The following AGBL4 variants were observed in gnomAD, a reference collection of about 807,000 sequenced individuals.
The protein encoded by AGBL4 is cytosolic carboxypeptidase 6.
Under a neutral mutation model 66.4 loss-of-function variants are expected in AGBL4, and 58 were observed. The observed-to-expected ratio is 0.87, with a 90% confidence interval of 0.71 to 1.09. The LOEUF is 1.09. Ranked by LOEUF, AGBL4 falls within the 50% of genes least tolerant of loss-of-function variation. AGBL4 has a pLI of 0.00. For synonymous variants in AGBL4, 234 were observed against 222.9 expected (o/e 1.05, Z -0.44); for missense variants, 579 against 631.0 (o/e 0.92, Z 0.88).
chr1:49,773,600 G>A (rs1644119665), intron 2 of AGBL4, among the ~76,000 whole-genome samples: 1 of 152,184 alleles, frequency 6.6e-6, no homozygotes, highest in Non-Finnish European at 1.5e-5. Flanking sequence ...CATTTGTGGT[G>A]GGTTGGTTTT....
chr1:49,287,550 A>G (rs1397718941), intron 3 of AGBL4, among the ~76,000 whole-genome samples: 8 of 151,902 alleles, frequency 5.3e-5, no homozygotes, highest in African/African-American at 1.9e-4. Context: ...AAAAGTGGGC[A>G]AAGGATATGA....
At chr1:48,689,477 CTCCCTTCCTCCTTCTGTCCTTCT>C (rs1646594359) in intron 6 of AGBL4, among the ~76,000 whole-genome samples, 1 of 142,240 alleles carries the variant, frequency 7.0e-6, no homozygotes, top group African/African-American at 2.5e-5. Context: ...TCCTTCTTTC[CTCCCTTCCTCCTTCTGTCCTTCT>C]TCCCTTCCTC....
chr1:49,080,178 G>A (rs1410100206), intron 4 of AGBL4, among the ~76,000 whole-genome samples: 2 of 151,990 alleles, frequency 1.3e-5, no homozygotes, highest in African/African-American at 4.8e-5. Flanking sequence ...AAAACAAACA[G>A]AATACCACAT....
intron 3 of AGBL4, among the ~76,000 whole-genome samples, chr1:49,320,798 A>G (rs1645119255): frequency 6.6e-6 from 1 of 152,156 alleles, no homozygotes; most frequent in African/African-American, 2.4e-5. Context: ...AATTTATAAA[A>G]GAAAGAGGTT....
At chr1:49,289,510 G>A (rs1644494281) in intron 3 of AGBL4, among the ~76,000 whole-genome samples, 1 of 152,138 alleles carries the variant, frequency 6.6e-6, no homozygotes, top group South Asian at 2.1e-4. Flanking sequence ...TTGAAAGGAG[G>A]AAAAATTAGG....
At chr1:49,260,074 A>C (rs1652972069) in intron 3 of AGBL4, among the ~76,000 whole-genome samples, 2 of 150,366 alleles carry the variant, frequency 1.3e-5, no homozygotes, top group Admixed American at 6.6e-5. Flanking sequence ...ACATAACAAA[A>C]TGAAGGCAGA....
At chr1:49,844,780 T>A in intron 2 of AGBL4, 2 of 1,580,642 alleles carry the variant, frequency 1.3e-6, no homozygotes, top group Non-Finnish European at 1.7e-6. Flanking sequence ...GGTAGAAAGA[T>A]TCCTCTGGGA....
At chr1:48,812,977 G>T (rs999982007) in intron 6 of AGBL4, among the ~76,000 whole-genome samples, 5 of 151,978 alleles carry the variant, frequency 3.3e-5, no homozygotes, top group African/African-American at 1.2e-4. Context: ...GGGGGAGAGG[G>T]GAGGGATAGC....
At chr1:49,834,183 G>T (rs1046133681) in intron 2 of AGBL4, among the ~76,000 whole-genome samples, 4 of 152,102 alleles carry the variant, frequency 2.6e-5, no homozygotes, top group African/African-American at 9.7e-5. Context: ...TGTACCTCTG[G>T]TAGAATTCAG....
intron 6 of AGBL4, among the ~76,000 whole-genome samples, chr1:48,684,672 GC>G (rs1646503458): frequency 6.6e-6 from 1 of 152,090 alleles, no homozygotes; most frequent in Middle Eastern, 3.2e-3. Flanking sequence ...AAAGAGGGTG[GC>G]CTAAAAGGCA....
At chr1:48,879,861 T>C (rs534871084) in intron 5 of AGBL4, among the ~76,000 whole-genome samples, 1 of 152,162 alleles carries the variant, frequency 6.6e-6, no homozygotes, top group South Asian at 2.1e-4. Flanking sequence ...AAAAATACTT[T>C]GATCATAGTA....
rs185685263 is a variant in AGBL4, at chr1:48,669,974, T to A, written c.635-6733A>T. 1.6e-3 allele frequency among the ~76,000 whole-genome samples: 246 copies of A among 152,296 alleles called. No individual in the cohort carries two copies. In the Middle Eastern group the frequency reaches 0.034, roughly 21 times the overall value. On this transcript the variant is annotated intron_variant, in intron 6 of 13. Transcript: ENST00000371839. Reference sequence around the variant, plus strand: ...ATCTCATATCTAAGTAGTAGACTCATTATGCTTCAGGGTTAGGGATCAAAT... The same window carrying A: ...ATCTCATATCTAAGTAGTAGACTCAATATGCTTCAGGGTTAGGGATCAAAT...
At chr1:48,859,177 A>G (rs1647283160) in intron 6 of AGBL4, among the ~76,000 whole-genome samples, 2 of 151,694 alleles carry the variant, frequency 1.3e-5, no homozygotes, top group South Asian at 4.2e-4. Flanking sequence ...CCACAATCCA[A>G]CCTATTTTCC....
At chr1:48,918,748 T>A (rs1200853652) in intron 5 of AGBL4, among the ~76,000 whole-genome samples, 1 of 152,188 alleles carries the variant, frequency 6.6e-6, no homozygotes, top group East Asian at 1.9e-4. Flanking sequence ...TCACCCAGTC[T>A]ATGGTACTTC....
chr1:49,092,475 C>CTTCT (rs887819938), intron 4 of AGBL4, among the ~76,000 whole-genome samples: 4 of 152,100 alleles, frequency 2.6e-5, no homozygotes, highest in African/African-American at 9.7e-5. Context: ...AACAAACTTG[C>CTTCT]TTCTACCTTT....
At chr1:48,574,537 CTTTTT>C (rs780333770) in intron 11 of AGBL4, among the ~76,000 whole-genome samples, 1 of 124,048 alleles carries the variant, frequency 8.1e-6, no homozygotes, top group Admixed American at 8.3e-5. Flanking sequence ...CTTTTCTTTT[CTTTTT>C]TTTTTTTTTG....
chr1:49,975,701 T>C (rs1029558655), intron 1 of AGBL4, among the ~76,000 whole-genome samples: 1 of 152,184 alleles, frequency 6.6e-6, no homozygotes, highest in Non-Finnish European at 1.5e-5. Context: ...TTAAGCAAGA[T>C]ACTTAACCCC....
At chr1:49,772,219 A>T (rs1057471729) in intron 2 of AGBL4, among the ~76,000 whole-genome samples, 1 of 152,080 alleles carries the variant, frequency 6.6e-6, no homozygotes, top group Non-Finnish European at 1.5e-5. Context: ...TTTTAAGCTG[A>T]TACTGCCTTA....
In AGBL4 at chr1:49,618,343, T is replaced by C. The variant is rs1306591356; in HGVS notation, c.282+78970A>G. 1.5e-4 allele frequency among the ~76,000 whole-genome samples: 22 copies of C among 151,028 alleles called. 1 individual carries two copies. The Admixed American group carries it at 1.5e-3, about 10-fold the overall frequency. On this transcript the variant is annotated intron_variant, in intron 3 of 13. Coordinates refer to ENST00000371839, the MANE Select transcript of AGBL4 (RefSeq NM_032785.4). Reference sequence around the variant, plus strand: ...TGGATGTGCCTTTACAGGAGAATGATGTATAATCCTTTGGGTATATGCTCA... The same window carrying C: ...TGGATGTGCCTTTACAGGAGAATGACGTATAATCCTTTGGGTATATGCTCA...
Sources: gnomAD v4.1 joint callset for allele counts (sites outside exome capture counted in the v4.1 genomes callset) on GRCh38, gnomAD v4.1.1 for gene constraint, MANE v1.5 for transcripts, NCBI Gene and HGNC (gene_info 2026-07-23, HGNC 2026-07-21) for gene names.